Variants in GALNT7 observed in about 807,000 individuals in gnomAD.
The protein encoded by GALNT7 is N-acetylgalactosaminyltransferase 7.
In GALNT7, 60 loss-of-function variants were observed where a neutral mutation model predicts 82.1. The observed-to-expected ratio is 0.73, with a 90% CI of 0.59 to 0.91. GALNT7 has a LOEUF of 0.91. GALNT7 is among the 40% of genes least tolerant of loss of function. The pLI, the probability that GALNT7 is intolerant of heterozygous loss-of-function variation, is 0.00. For missense variants in GALNT7, 660 were observed against 804.2 expected (o/e 0.82, Z 2.17); for synonymous variants, 243 against 275.1 (o/e 0.88, Z 1.15).
intron 2 of GALNT7, among the ~76,000 whole-genome samples, chr4:173,266,196 G>T (rs368055157): frequency 6.6e-6 from 1 of 152,172 alleles, no homozygotes; most frequent in Non-Finnish European, 1.5e-5. Flanking sequence ...AGAGGCGGAC[G>T]TTGCAGTGAG....
chr4:173,308,359 G>A (rs1393644561), intron 8 of GALNT7, among the ~76,000 whole-genome samples: 1 of 152,036 alleles, frequency 6.6e-6, no homozygotes, highest in Non-Finnish European at 1.5e-5. Flanking sequence ...AAAAAAGTCT[G>A]ACACTGTGTA....
intron 1 of GALNT7, among the ~76,000 whole-genome samples, chr4:173,221,355 A>G (rs1206389010): frequency 6.6e-6 from 1 of 152,246 alleles, no homozygotes; most frequent in African/African-American, 2.4e-5. Context: ...AAAGACAGGA[A>G]GAGTTTCTTC....
intron 2 of GALNT7, among the ~76,000 whole-genome samples, chr4:173,261,747 A>C (rs1048652956): frequency 1.3e-5 from 2 of 152,178 alleles, no homozygotes; most frequent in Admixed American, 6.5e-5. Flanking sequence ...TGAACCCGGA[A>C]GGTGGAGGCT....
chr4:173,175,889 A>G (rs924159037), intron 1 of GALNT7, among the ~76,000 whole-genome samples: 6 of 152,196 alleles, frequency 3.9e-5, no homozygotes, highest in Admixed American at 1.3e-4. Context: ...CCTGGCCAAC[A>G]TGGTGAAACC....
intron 2 of GALNT7, among the ~76,000 whole-genome samples, chr4:173,260,950 A>G (rs1315419708): frequency 3.3e-5 from 5 of 152,172 alleles, no homozygotes; most frequent in African/African-American, 1.2e-4. Context: ...ACGTTTACGA[A>G]GCGAAAATTG....
intron 1 of GALNT7, among the ~76,000 whole-genome samples, chr4:173,181,899 G>A (rs1049268815): frequency 6.6e-6 from 1 of 152,164 alleles, no homozygotes; most frequent in Admixed American, 6.5e-5. Context: ...ACTGCAAGAA[G>A]AGTACAGCCA....
chr4:173,183,659 T>C (rs1157933798), intron 1 of GALNT7, among the ~76,000 whole-genome samples: 3 of 152,186 alleles, frequency 2.0e-5, no homozygotes, highest in Non-Finnish European at 4.4e-5. Flanking sequence ...CTCAATGAGC[T>C]GTTGGGTACA....
chr4:173,263,456 A>AT (rs1454451238), intron 2 of GALNT7, among the ~76,000 whole-genome samples: 1 of 152,222 alleles, frequency 6.6e-6, no homozygotes, highest in African/African-American at 2.4e-5. Context: ...GAAAAACTTG[A>AT]TTTTATATTG....
At chr4:173,271,883 A>G (rs1004964289) in intron 2 of GALNT7, among the ~76,000 whole-genome samples, 1 of 152,176 alleles carries the variant, frequency 6.6e-6, no homozygotes, top group Non-Finnish European at 1.5e-5. Context: ...TTTTTTGTGC[A>G]ACACCATTTT....
intron 4 of GALNT7, 39 bp from the exon 5 acceptor site, chr4:173,295,725 A>T (rs768802825): frequency 7.8e-7 from 1 of 1,280,128 alleles, no homozygotes; most frequent in East Asian, 2.3e-5. Flanking sequence ...GATGTAACGT[A>T]TATGAGGAGT....
intron 1 of GALNT7, among the ~76,000 whole-genome samples, chr4:173,181,860 C>A (rs1017381569): frequency 1.3e-5 from 2 of 152,162 alleles, no homozygotes; most frequent in African/African-American, 2.4e-5. Flanking sequence ...TTAATGAATG[C>A]GGCTTCGTCT....
intron 11 of GALNT7, among the ~76,000 whole-genome samples, chr4:173,321,236 G>A (rs146599238): frequency 4.4e-4 from 67 of 152,238 alleles, no homozygotes; most frequent in African/African-American, 1.6e-3. Context: ...GAGGAAAAGT[G>A]CAGTATTTCC....
intron 8 of GALNT7, among the ~76,000 whole-genome samples, chr4:173,304,914 A>T (rs1737092294): frequency 6.6e-6 from 1 of 152,128 alleles, no homozygotes; most frequent in Admixed American, 6.6e-5. Context: ...TTCTTTACCC[A>T]TTCATCTGTT....
intron 1 of GALNT7, among the ~76,000 whole-genome samples, chr4:173,222,482 G>C (rs1733678303): frequency 6.6e-6 from 1 of 152,122 alleles, no homozygotes; most frequent in African/African-American, 2.4e-5. Flanking sequence ...ATGTTGGCCA[G>C]GCTGGTCTTG....
At chr4:173,213,844 A>G (rs964080346) in intron 1 of GALNT7, among the ~76,000 whole-genome samples, 1 of 152,142 alleles carries the variant, frequency 6.6e-6, no homozygotes, top group African/African-American at 2.4e-5. Flanking sequence ...CTTTTGTTTT[A>G]AAAGTCTCAT....
chr4:173,245,215 CAAAAA>C (rs57506967), intron 1 of GALNT7, among the ~76,000 whole-genome samples: 9 of 122,844 alleles, frequency 7.3e-5, no homozygotes, highest in East Asian at 2.5e-4. Context: ...ACCATTAAGT[CAAAAA>C]AAAAAAAAAA....
chr4:173,214,343 G>A (rs1254615207), intron 1 of GALNT7, among the ~76,000 whole-genome samples: 2 of 151,476 alleles, frequency 1.3e-5, no homozygotes, highest in Non-Finnish European at 2.9e-5. Context: ...TCAGCCTCTG[G>A]ATTTTGATAA....
At chr4:173,272,257 G>A (rs2126790717) in intron 2 of GALNT7, among the ~76,000 whole-genome samples, 1 of 152,006 alleles carries the variant, frequency 6.6e-6, no homozygotes, top group East Asian at 1.9e-4. Flanking sequence ...CCCTGTATAT[G>A]GACTATCTGT....
chr4:173,246,839 C>T (rs1436868686), intron 1 of GALNT7, among the ~76,000 whole-genome samples: 1 of 152,250 alleles, frequency 6.6e-6, no homozygotes, highest in Middle Eastern at 3.4e-3. Flanking sequence ...TATGACTACT[C>T]TGTTGGGGAA....
Sources: gnomAD v4.1 joint callset for allele counts (sites outside exome capture counted in the v4.1 genomes callset) on GRCh38, gnomAD v4.1.1 for gene constraint, MANE v1.5 for transcripts, NCBI Gene and HGNC (gene_info 2026-07-23, HGNC 2026-07-21) for gene names.